NBAS: variants seen among roughly 807,000 people sequenced by gnomAD.
NBAS encodes the protein NAG/BC035112 fusion.
A neutral mutation model predicts 302.5 loss-of-function variants in NBAS; 219 were observed. The observed-to-expected ratio is 0.72, with a 90% CI of 0.65 to 0.81. The LOEUF (loss-of-function observed/expected upper bound fraction) is 0.81, where lower values mean the gene tolerates loss of function less well. NBAS is among the 30% of genes least tolerant of loss of function. The probability of loss-of-function intolerance (pLI) is 0.00; values close to 1 mark genes in which losing one functional copy is unlikely to be tolerated. For missense variants in NBAS, 2,932 were observed against 2,841.6 expected, an observed-to-expected ratio of 1.03 and a Z score of -0.72; for synonymous variants, 1,118 against 1,021.6, an observed-to-expected ratio of 1.09 and a Z score of -1.80.
chr2:14,830,374 C>T, the NBAS span, among the ~76,000 whole-genome samples: 1 of 152,062 alleles, frequency 6.6e-6, no homozygotes, highest in Non-Finnish European at 1.5e-5. Context: ...GGGATGATTA[C>T]CCTGATTGGT....
At chr2:15,359,690 C>T (rs1025282538) in intron 32 of NBAS, among the ~76,000 whole-genome samples, 3 of 151,602 alleles carry the variant, frequency 2.0e-5, no homozygotes, top group African/African-American at 4.9e-5. Context: ...GTAGGCTATC[C>T]GGACAAAAAA....
chr2:15,299,361 T>C (rs550243421), intron 40 of NBAS, among the ~76,000 whole-genome samples: 3 of 152,328 alleles, frequency 2.0e-5, no homozygotes, highest in South Asian at 4.1e-4. Context: ...AAAATGTGCA[T>C]AAATATTCAT....
At chr2:15,111,814 A>T in the NBAS span, among the ~76,000 whole-genome samples, 1 of 150,806 alleles carries the variant, frequency 6.6e-6, no homozygotes, top group Non-Finnish European at 1.5e-5. Context: ...ATAATAGAAG[A>T]GGGACTTTCT....
chr2:14,894,536 G>GTAAAATATATATATAAATA, the NBAS span, among the ~76,000 whole-genome samples: 1 of 151,734 alleles, frequency 6.6e-6, no homozygotes, highest in Non-Finnish European at 1.5e-5. Flanking sequence ...TAACAGAAAT[G>GTAAAATATATATATAAATA]TAAAATATAT....
the NBAS span, among the ~76,000 whole-genome samples, chr2:14,902,768 A>T: frequency 1.2e-3 from 184 of 152,340 alleles, no homozygotes; most frequent in African/African-American, 4.4e-3. Flanking sequence ...GGTAATTCAG[A>T]CTGGAATTGG....
the NBAS span, among the ~76,000 whole-genome samples, chr2:15,002,833 G>A: frequency 3.3e-5 from 5 of 152,282 alleles, no homozygotes; most frequent in Non-Finnish European, 7.4e-5. Flanking sequence ...CTCCAAGTGC[G>A]GGGCCCGCCA....
intron 21 of NBAS, among the ~76,000 whole-genome samples, chr2:15,450,347 C>T (rs1678948018): frequency 6.6e-6 from 1 of 152,164 alleles, no homozygotes; most frequent in Non-Finnish European, 1.5e-5. Context: ...TACATTCAGA[C>T]ACTTCTTTCC....
the NBAS span, among the ~76,000 whole-genome samples, chr2:14,789,554 C>T: frequency 6.6e-6 from 1 of 152,186 alleles, no homozygotes; most frequent in Non-Finnish European, 1.5e-5. Context: ...TGTTTTAATA[C>T]ATTAGAACTC....
In NBAS at chr2:15,542,002, TG is replaced by T. The variant is rs1373828896; in HGVS notation, c.380-2647del. On this transcript the variant is annotated intron_variant, in intron 6 of 51. Coordinates refer to ENST00000281513, the MANE Select transcript of NBAS (RefSeq NM_015909.4). ...CCAGCCACCCCGTCCGGGAGGGAGG[TG>T]GGGGGGTTCAGCCCCCCGCCCGGCC... Among the ~76,000 whole-genome samples, 8 of 66,842 alleles carry T rather than the reference TG, an allele frequency of 1.2e-4. No individual in the cohort carries two copies. The South Asian group carries it at 2.4e-3, about 20-fold the overall frequency. 43.9% of individuals were successfully genotyped at this position (66,842 alleles called of 152,430 possible).
intron 19 of NBAS, among the ~76,000 whole-genome samples, chr2:15,466,320 C>CTAAGAAAGTAACCTCCAAGTGA (rs1486100604): frequency 2.0e-5 from 3 of 152,072 alleles, no homozygotes; most frequent in African/African-American, 7.2e-5. Context: ...AGAACACAGA[C>CTAAGAAAGTAACCTCCAAGTGA]TAAGAAAGTA....
At chr2:15,429,174 T>C (rs1677634920) in intron 21 of NBAS, among the ~76,000 whole-genome samples, 1 of 152,218 alleles carries the variant, frequency 6.6e-6, no homozygotes, top group African/African-American at 2.4e-5. Flanking sequence ...AGGCACTCTC[T>C]GGCATGTGAC....
chr2:14,868,310 G>C, the NBAS span, among the ~76,000 whole-genome samples: 39 of 152,090 alleles, frequency 2.6e-4, no homozygotes, highest in African/African-American at 9.2e-4. Flanking sequence ...ACCTTGATCA[G>C]GTATTTCTTA....
In NBAS at chr2:15,212,258, C is replaced by A. The variant is rs116589700; in HGVS notation, c.6432+6515G>T. On this transcript the variant is annotated intron_variant, in intron 48 of 51. Coordinates refer to ENST00000281513, the MANE Select transcript of NBAS (RefSeq NM_015909.4). ...AGCCAGACCTCTCCAGTCCACTGTTCATGCAGAGGCCAGAGGGCTTCTCCC... is the reference window on the plus strand; with the variant it reads ...AGCCAGACCTCTCCAGTCCACTGTTAATGCAGAGGCCAGAGGGCTTCTCCC... 3.5e-3 allele frequency among the ~76,000 whole-genome samples: 539 copies of A among 152,314 alleles called. 2 individuals are homozygous for A. The highest frequency in any genetic ancestry group is 0.012 in the African/African-American group (497 of 41,576).
chr2:15,083,471 A>G, the NBAS span, among the ~76,000 whole-genome samples: 1 of 152,266 alleles, frequency 6.6e-6, no homozygotes, highest in Non-Finnish European at 1.5e-5. Context: ...CACATGGAAT[A>G]GGTACCTCCT....
At chr2:14,780,526 G>C in the NBAS span, among the ~76,000 whole-genome samples, 1 of 152,222 alleles carries the variant, frequency 6.6e-6, no homozygotes, top group Admixed American at 6.5e-5. Flanking sequence ...TCTTTTAAAA[G>C]TCAGATGCAA....
intron 44 of NBAS, among the ~76,000 whole-genome samples, chr2:15,272,211 T>C (rs777651434): frequency 1.3e-5 from 2 of 152,218 alleles, no homozygotes; most frequent in African/African-American, 2.4e-5. Flanking sequence ...ATCTGAACAA[T>C]TGCTTATTGT....
chr2:14,869,320 T>C, the NBAS span, among the ~76,000 whole-genome samples: 765 of 152,236 alleles, frequency 5.0e-3, 11 homozygotes, highest in African/African-American at 0.018. Context: ...CCCAGGAATC[T>C]GTGGAAAATA....
chr2:15,141,214 G>T, the NBAS span, among the ~76,000 whole-genome samples: 2 of 145,798 alleles, frequency 1.4e-5, no homozygotes, highest in African/African-American at 2.6e-5. Flanking sequence ...TTCCTCTCCC[G>T]CTCCCTCTGC....
the NBAS span, among the ~76,000 whole-genome samples, chr2:15,037,892 A>C: frequency 2.0e-5 from 3 of 152,102 alleles, no homozygotes; most frequent in Non-Finnish European, 4.4e-5. Context: ...TGGGATGCAT[A>C]AAACATGACT....
Sources: gnomAD v4.1 joint callset for allele counts (sites outside exome capture counted in the v4.1 genomes callset) on GRCh38, gnomAD v4.1.1 for gene constraint, MANE v1.5 for transcripts, NCBI Gene and HGNC (gene_info 2026-07-23, HGNC 2026-07-21) for gene names.